Variants in ANKS1A observed in about 807,000 individuals in gnomAD.
ANKS1A encodes the protein ankyrin repeat and sterile alpha motif domain containing 1A, also known as ankyrin repeat and SAM domain-containing protein 1A.
ANKS1A carries 55 observed loss-of-function variants against 120.3 expected under a neutral mutation model. The observed-to-expected ratio is 0.46, with a 90% CI of 0.37 to 0.57. ANKS1A has a LOEUF of 0.57. ANKS1A is among the 20% of genes least tolerant of loss of function. The pLI, the probability that ANKS1A is intolerant of heterozygous loss-of-function variation, is 0.00. For synonymous variants in ANKS1A, 590 were observed against 604.7 expected (o/e 0.98, Z 0.36); for missense variants, 1,123 against 1,480.3 (o/e 0.76, Z 3.96).
chr6:35,072,393 TTAGG>T (rs1349546762), intron 13 of ANKS1A, among the ~76,000 whole-genome samples: 5 of 152,220 alleles, frequency 3.3e-5, no homozygotes, highest in African/African-American at 4.8e-5. Context: ...TTCAAATGGC[TTAGG>T]TTGATGGAAA....
At chr6:34,903,272 G>C (rs578252854) in intron 1 of ANKS1A, among the ~76,000 whole-genome samples, 5 of 128,954 alleles carry the variant, frequency 3.9e-5, no homozygotes, top group Non-Finnish European at 8.7e-5. Context: ...TGTGGGGTTT[G>C]ATTGTCATTC....
At chr6:34,988,201 C>T (rs1176828813) in intron 8 of ANKS1A, among the ~76,000 whole-genome samples, 1 of 152,226 alleles carries the variant, frequency 6.6e-6, no homozygotes, top group African/African-American at 2.4e-5. Context: ...CATTTATTTA[C>T]ATATCATCTG....
At chr6:35,016,937 T>C (rs1293190331) in intron 10 of ANKS1A, among the ~76,000 whole-genome samples, 3 of 9,262 alleles carry the variant, frequency 3.2e-4, no homozygotes, top group Non-Finnish European at 2.9e-3. Flanking sequence ...CATGACCTCT[T>C]TTTTTTTTTT....
At chr6:34,999,994 A>T (rs1393276379) in intron 10 of ANKS1A, among the ~76,000 whole-genome samples, 1 of 152,150 alleles carries the variant, frequency 6.6e-6, no homozygotes, top group Non-Finnish European at 1.5e-5. Context: ...AAGAGAAAGA[A>T]ATATACAAGT....
chr6:35,040,899 CTG>C (rs1339018268), intron 11 of ANKS1A, among the ~76,000 whole-genome samples: 1 of 152,234 alleles, frequency 6.6e-6, no homozygotes, highest in Non-Finnish European at 1.5e-5. Context: ...TCTGCCTCCA[CTG>C]TGTCTTCCCT....
At chr6:34,954,302 A>G (rs1770235704) in intron 1 of ANKS1A, among the ~76,000 whole-genome samples, 1 of 152,172 alleles carries the variant, frequency 6.6e-6, no homozygotes, top group Non-Finnish European at 1.5e-5. Flanking sequence ...GCAAATGTAC[A>G]AGGAGGTTTC....
intron 7 of ANKS1A, among the ~76,000 whole-genome samples, chr6:34,983,904 G>T (rs1004071756): frequency 2.0e-5 from 3 of 150,086 alleles, no homozygotes; most frequent in Non-Finnish European, 4.4e-5. Context: ...TGATTCTCCT[G>T]CCTCAGCCTC....
intron 1 of ANKS1A, among the ~76,000 whole-genome samples, chr6:34,913,258 C>A (rs75722984): frequency 0.014 from 2,102 of 152,306 alleles, 44 homozygotes; most frequent in African/African-American, 0.044. Flanking sequence ...GTAATAGTGA[C>A]TGAGCTGAAG....
chr6:34,999,591 G>A (rs1327550409), intron 10 of ANKS1A, among the ~76,000 whole-genome samples: 2 of 152,166 alleles, frequency 1.3e-5, no homozygotes, highest in Non-Finnish European at 2.9e-5. Context: ...ATGACACCAG[G>A]AAAACTTAGA....
At chr6:34,937,346 G>A (rs991868156) in intron 1 of ANKS1A, among the ~76,000 whole-genome samples, 2 of 151,650 alleles carry the variant, frequency 1.3e-5, no homozygotes, top group African/African-American at 4.8e-5. Context: ...AAGAATGGCT[G>A]GATTCAAATC....
At chr6:35,056,572 G>A (rs1561943494) in intron 12 of ANKS1A, among the ~76,000 whole-genome samples, 1 of 152,226 alleles carries the variant, frequency 6.6e-6, no homozygotes, top group Non-Finnish European at 1.5e-5. Context: ...ACAGGCGTGA[G>A]CCACGATGCC....
At chr6:35,017,252 A>G (rs962837463) in intron 10 of ANKS1A, among the ~76,000 whole-genome samples, 1 of 152,158 alleles carries the variant, frequency 6.6e-6, no homozygotes, top group Non-Finnish European at 1.5e-5. Context: ...GGAATTTCAT[A>G]AATGCTCTGA....
chr6:35,041,017 G>C (rs1007899072), intron 11 of ANKS1A, among the ~76,000 whole-genome samples: 1 of 152,180 alleles, frequency 6.6e-6, no homozygotes, highest in Non-Finnish European at 1.5e-5. Flanking sequence ...AGATTTTATT[G>C]CATGTTAAAA....
chr6:35,015,322 C>T (rs929483284), intron 10 of ANKS1A, among the ~76,000 whole-genome samples: 1 of 152,150 alleles, frequency 6.6e-6, no homozygotes, highest in Admixed American at 6.5e-5. Flanking sequence ...CATGGCAAAA[C>T]CCCGTCTCTA....
chr6:34,990,548 G>A (rs1438618030), intron 9 of ANKS1A, among the ~76,000 whole-genome samples: 1 of 149,484 alleles, frequency 6.7e-6, no homozygotes, highest in Non-Finnish European at 1.5e-5. Context: ...TTCAGTTGGG[G>A]CTGGTTCTCT....
chr6:34,976,136 C>CAAAA (rs748181297), intron 3 of ANKS1A, among the ~76,000 whole-genome samples: 3 of 87,582 alleles, frequency 3.4e-5, no homozygotes, highest in Non-Finnish European at 6.8e-5. Flanking sequence ...GACTCCATCT[C>CAAAA]AAAAAAAAAA....
chr6:34,961,235 C>G (rs1770621730), intron 1 of ANKS1A, among the ~76,000 whole-genome samples: 1 of 152,126 alleles, frequency 6.6e-6, no homozygotes, highest in Non-Finnish European at 1.5e-5. Context: ...CCTAATAGGA[C>G]AGCTGTGATA....
chr6:34,967,542 T>A (rs201495468), intron 2 of ANKS1A, among the ~76,000 whole-genome samples: 9,638 of 138,824 alleles, frequency 0.069, 706 homozygotes, highest in African/African-American at 0.19. Flanking sequence ...AAAAAAAAAA[T>A]TTTTTTAATT....
intron 11 of ANKS1A, among the ~76,000 whole-genome samples, chr6:35,029,927 T>C (rs1225413625): frequency 6.6e-6 from 1 of 151,920 alleles, no homozygotes; most frequent in Non-Finnish European, 1.5e-5. Context: ...TATAAATCTT[T>C]GTTTCTTCGG....
Sources: allele counts gnomAD v4.1 joint callset (sites outside exome capture counted in the v4.1 genomes callset), GRCh38; gene constraint gnomAD v4.1.1; transcripts MANE v1.5; gene names NCBI Gene and HGNC (gene_info 2026-07-23, HGNC 2026-07-21).